Variants in THOC2 observed in about 807,000 individuals in gnomAD.
THOC2 encodes the protein THO complex 2.
Under a neutral mutation model 128.4 loss-of-function variants are expected in THOC2, and 10 were observed. The observed-to-expected ratio is 0.08, with a 90% CI of 0.05 to 0.13. THOC2 has a LOEUF of 0.13. Among genes scored for constraint, THOC2 ranks in the 10% least tolerant of loss-of-function variants. The probability of loss-of-function intolerance (pLI) is 1.00; values close to 1 mark genes in which losing one functional copy is unlikely to be tolerated. For synonymous variants in THOC2, 393 were observed against 396.9 expected (o/e 0.99, Z 0.12); for missense variants, 535 against 1,155.7 (o/e 0.46, Z 7.79).
At chrX:123,622,266 T>C (rs1272548849) in intron 30 of THOC2, among the ~76,000 whole-genome samples, 1 of 110,002 alleles carries the variant, frequency 9.1e-6, no homozygotes, top group Non-Finnish European at 1.9e-5. Context: ...CCGGGAGTGG[T>C]GGCACACGCT....
chrX:123,644,859 T>C lies in THOC2; in HGVS notation c.1479A>G (p.Pro493=). 1 of 1,205,655 alleles carries C rather than the reference T, an allele frequency of 8.3e-7. No individual in the cohort carries two copies. The highest frequency in any genetic ancestry group is 1.1e-6 in the Non-Finnish European group (1 of 890,264). The change falls in exon 14 of 39, where the codon CCA becomes CCG. Residue 493 remains proline (P), a synonymous_variant. Transcript: ENST00000245838. ...CATTGCAGTCCATCAAAGAAAGAGA[T>C]GGAAGTAGTACCTGGTCAGTAATGC... is the stretch of plus-strand genomic sequence containing the variant. ...LLSITDQVLL[P]SLSLMDCNAC...
intron 1 of THOC2, among the ~76,000 whole-genome samples, chrX:123,729,396 G>C (rs1328942273): frequency 9.0e-6 from 1 of 111,635 alleles, no homozygotes; most frequent in Non-Finnish European, 1.9e-5. Context: ...TCAAAGTCAA[G>C]ACCTTCCATT....
At chrX:123,712,136 G>A (rs144776969) in intron 2 of THOC2, among the ~76,000 whole-genome samples, 2,094 of 108,939 alleles carry the variant, frequency 0.019, 18 homozygotes, top group Non-Finnish European at 0.03. Flanking sequence ...ATAGAATATC[G>A]GTTATAAAAA....
chrX:123,656,489 A>C (rs1269583850), intron 12 of THOC2, among the ~76,000 whole-genome samples: 2 of 110,919 alleles, frequency 1.8e-5, no homozygotes, highest in Non-Finnish European at 3.8e-5. Flanking sequence ...CAGGTGTATC[A>C]CTCGAGGCAA....
intron 30 of THOC2, among the ~76,000 whole-genome samples, chrX:123,622,316 G>A (rs988424033): frequency 7.2e-5 from 8 of 111,582 alleles, no homozygotes; most frequent in African/African-American, 2.3e-4. Flanking sequence ...CACAAGAATC[G>A]CTTCAACCCA....
At chrX:123,730,702 TG>T (rs1348141542) in intron 1 of THOC2, among the ~76,000 whole-genome samples, 3 of 111,758 alleles carry the variant, frequency 2.7e-5, no homozygotes, top group Non-Finnish European at 5.6e-5. Flanking sequence ...GTAAAACTGT[TG>T]GGAGGCCGAG....
At chrX:123,631,546 AC>A (rs1405683136) in intron 22 of THOC2, 141 bp downstream of exon 22, 2 of 596,285 alleles carry the variant, frequency 3.4e-6, no homozygotes, top group African/African-American at 4.7e-5. Flanking sequence ...ACAGCTTCGT[AC>A]CCCTATTGGA....
At chrX:123,697,813 A>G in intron 4 of THOC2, 62 bp from the exon 5 acceptor site, 1 of 496,283 alleles carries the variant, frequency 2.0e-6, no homozygotes, top group Non-Finnish European at 3.3e-6. Flanking sequence ...CACTAAAGTA[A>G]GATACTTATT....
intron 12 of THOC2, among the ~76,000 whole-genome samples, chrX:123,652,102 C>G (rs900312979): frequency 9.0e-6 from 1 of 111,528 alleles, no homozygotes; most frequent in African/African-American, 3.3e-5. Context: ...TTGGCTTCAT[C>G]CCGGGGATGC....
intron 12 of THOC2, among the ~76,000 whole-genome samples, chrX:123,656,318 C>T (rs1342237666): frequency 1.4e-4 from 10 of 71,442 alleles, no homozygotes; most frequent in African/African-American, 6.0e-4. Flanking sequence ...GCAACAAGAG[C>T]GAGACTCCGT....
At chrX:123,622,245 C>CA (rs1401352458) in intron 30 of THOC2, among the ~76,000 whole-genome samples, 1 of 110,044 alleles carries the variant, frequency 9.1e-6, no homozygotes, top group Non-Finnish European at 1.9e-5. Flanking sequence ...TAAAAACACA[C>CA]AAAAAATTAG....
At chrX:123,607,444 T>TTTTA (rs201176690) in intron 38 of THOC2, among the ~76,000 whole-genome samples, 7,269 of 97,736 alleles carry the variant, frequency 0.074, 305 homozygotes, top group African/African-American at 0.11. Context: ...CCTAGCTAAG[T>TTTTA]TTTATTTATT....
intron 12 of THOC2, among the ~76,000 whole-genome samples, chrX:123,648,527 C>A (rs1285615200): frequency 8.9e-6 from 1 of 112,025 alleles, no homozygotes; most frequent in Non-Finnish European, 1.9e-5. Context: ...TCAGCAGATC[C>A]CACCCCCACG....
intron 11 of THOC2, 137 bp from the exon 12 acceptor site, chrX:123,665,974 G>T: frequency 3.1e-6 from 1 of 321,948 alleles, no homozygotes; most frequent in Non-Finnish European, 4.9e-6. Flanking sequence ...GCTCATATTT[G>T]CTTTCTACAT....
At chrX:123,680,565 T>C (rs1302383285) in intron 8 of THOC2, among the ~76,000 whole-genome samples, 1 of 110,485 alleles carries the variant, frequency 9.1e-6, no homozygotes, top group East Asian at 2.9e-4. Flanking sequence ...TGTCTCTTCC[T>C]TTTCCAAGTC....
chrX:123,647,362 C>T (rs1477530183), intron 12 of THOC2, among the ~76,000 whole-genome samples: 3 of 111,895 alleles, frequency 2.7e-5, no homozygotes, highest in Non-Finnish European at 5.6e-5. Flanking sequence ...AACTGTAAGA[C>T]TCTCACATAA....
At position 123,614,033 on chromosome X, in the gene THOC2, T is replaced by TA; in HGVS notation, c.4449+18dup. 2.5e-6 allele frequency: 3 copies of TA among 1,192,335 alleles called. No individual in the cohort carries two copies. The highest frequency in any genetic ancestry group is 1.8e-5 in the South Asian group (1 of 54,536). On this transcript the variant is annotated intron_variant, in intron 34 of 38. Transcript: ENST00000245838. The stretch of plus-strand genomic sequence containing the variant: ...TGATAATGAGCTTTCCAAACTAGTT[T>TA]AAAAAAAATTTTACAAACCCTTTTC...
intron 38 of THOC2, among the ~76,000 whole-genome samples, chrX:123,609,684 C>T (rs753235975): frequency 2.7e-5 from 3 of 111,666 alleles, no homozygotes; most frequent in Non-Finnish European, 3.8e-5. Context: ...AGCAAGTATA[C>T]TTAATATATT....
intron 37 of THOC2, 150 bp from the exon 38 acceptor site, chrX:123,611,113 T>A: frequency 2.0e-6 from 1 of 508,224 alleles, no homozygotes; most frequent in Non-Finnish European, 3.3e-6. Context: ...GTCTGACTCA[T>A]CATTTTGCCC....
Sources: gnomAD v4.1 joint callset for allele counts (sites outside exome capture counted in the v4.1 genomes callset) on GRCh38, gnomAD v4.1.1 for gene constraint, MANE v1.5 for transcripts, NCBI Gene and HGNC (gene_info 2026-07-23, HGNC 2026-07-21) for gene names.